MMS22L: variants seen among roughly 807,000 people sequenced by gnomAD.
MMS22L encodes protein MMS22-like.
MMS22L carries 74 observed loss-of-function variants against 159.1 expected under a neutral mutation model. The ratio of observed to expected loss-of-function variants is 0.47; its 90% confidence interval spans 0.39 to 0.56. MMS22L has a LOEUF of 0.56. Among genes scored for constraint, MMS22L ranks in the 20% least tolerant of loss-of-function variants. MMS22L has a pLI of 0.00. For synonymous variants in MMS22L, 517 were observed against 506.9 expected (o/e 1.02, Z -0.27); for missense variants, 1,351 against 1,422.1 (o/e 0.95, Z 0.80).
Position 97,144,105 on chromosome 6 carries a change from C to CAAAAAAAAAAAAAAAAAAAAAAAAAA in MMS22L, c.*2700_*2701insTTTTTTTTTTTTTTTTTTTTTTTTTT, listed in dbSNP as rs34856577. On this transcript the variant is annotated 3_prime_UTR_variant, in exon 25 of 25. Coordinates refer to ENST00000683635, the MANE Select transcript of MMS22L (RefSeq NM_001350599.2). ...CTCAAAACAACAACAACAACAACAA[C>CAAAAAAAAAAAAAAAAAAAAAAAAAA]AAAAAAAAAAAAAAAAAAAAAAAGA... is the stretch of plus-strand genomic sequence containing the variant. 3.4e-5 allele frequency: 3 copies of CAAAAAAAAAAAAAAAAAAAAAAAAAA among 87,352 alleles called. No individual in the cohort carries two copies. The highest frequency in any genetic ancestry group is 6.5e-5 in the Non-Finnish European group (3 of 45,980). The allele number at this position is 87,352 out of a possible 1,614,324, so 5.4% of individuals were successfully genotyped here. A position where few individuals can be genotyped will look rare whatever the true frequency, so the allele number is the denominator to read the frequency against.
chr6:97,262,832 A>G (rs1814644342), intron 9 of MMS22L, among the ~76,000 whole-genome samples: 1 of 152,160 alleles, frequency 6.6e-6, no homozygotes, highest in Non-Finnish European at 1.5e-5. Flanking sequence ...CTCTTTTTCA[A>G]TAACCTACAG....
At position 97,229,271 on chromosome 6, in the gene MMS22L, G is replaced by A. The variant is rs770673058; in HGVS notation, c.1662C>T (p.Leu554=). The change falls in exon 14 of 25, where the codon CTC becomes CTT. Residue 554 remains leucine, a synonymous_variant. Transcript: ENST00000683635. ...CAAAAGCAGGCTTGAGGAAATTCAG[G>A]AGGTCTAAAACATGACTTGCAACAT... ...VEDVASHVLD[L]LNFLKPAFVT... The A allele has an allele frequency of 2.5e-6, 4 of 1,614,022 alleles. No individual in the cohort carries two copies. The highest frequency in any genetic ancestry group is 1.7e-5 in the Admixed American group (1 of 60,004).
At chr6:97,175,612 T>C (rs1432858707) in intron 18 of MMS22L, among the ~76,000 whole-genome samples, 2 of 152,190 alleles carry the variant, frequency 1.3e-5, no homozygotes, top group Non-Finnish European at 2.9e-5. Context: ...TGGAAAATTG[T>C]GGTTCACTGA....
intron 14 of MMS22L, among the ~76,000 whole-genome samples, chr6:97,205,093 G>A (rs1027832152): frequency 1.3e-4 from 19 of 151,356 alleles, no homozygotes; most frequent in Non-Finnish European, 2.1e-4. Flanking sequence ...ACAGGTGTGC[G>A]CCACCATGCC....
At chr6:97,269,873 G>T in intron 7 of MMS22L, 29 bp downstream of exon 7, 2 of 1,507,886 alleles carry the variant, frequency 1.3e-6, no homozygotes, top group Non-Finnish European at 1.8e-6. Context: ...ATTTTAAAAA[G>T]AATATAAATC....
In MMS22L at chr6:97,173,239, A is replaced by C; in HGVS notation, c.2680-17T>G. On this transcript the variant is annotated splice_polypyrimidine_tract_variant and intron_variant, in intron 18 of 24. Coordinates refer to ENST00000683635, the MANE Select transcript of MMS22L (RefSeq NM_001350599.2). Reference sequence around the variant, plus strand: ...ACCAACAGCCTATAAATAAAGAAAAACATTATTTAACTTCCCAAAGTTTAT... The same window carrying C: ...ACCAACAGCCTATAAATAAAGAAAACCATTATTTAACTTCCCAAAGTTTAT... The C allele has an allele frequency of 6.3e-7, 1 of 1,598,228 alleles. No homozygotes were observed. Among genetic ancestry groups the C allele is most frequent in the Non-Finnish European group, 8.5e-7 (1 of 1,175,170 alleles).
intron 14 of MMS22L, among the ~76,000 whole-genome samples, chr6:97,208,647 A>T (rs1808043455): frequency 6.6e-6 from 1 of 152,022 alleles, no homozygotes; most frequent in African/African-American, 2.4e-5. Context: ...AAGCAGACGG[A>T]TTAAGGGAAA....
At position 97,263,462 on chromosome 6, in the gene MMS22L, C is replaced by T. The variant is rs1814717958; in HGVS notation, c.829-14G>A. The T allele has an allele frequency of 1.5e-6, 2 of 1,375,286 alleles. No individual in the cohort carries two copies. Among genetic ancestry groups the T allele is most frequent in the African/African-American group, 1.5e-5 (1 of 66,554 alleles). The allele number at this position is 1,375,286 out of a possible 1,614,324, so 85.2% of individuals were successfully genotyped here. Reference sequence around the variant, plus strand: ...AGAAGACCTAACCTATAGAAAATAACCAAAATGTGTTATTTATAAGACAGC... The same window carrying T: ...AGAAGACCTAACCTATAGAAAATAATCAAAATGTGTTATTTATAAGACAGC... On this transcript the variant is annotated splice_polypyrimidine_tract_variant and intron_variant, in intron 8 of 24. Coordinates refer to ENST00000683635, the MANE Select transcript of MMS22L (RefSeq NM_001350599.2).
intron 24 of MMS22L, among the ~76,000 whole-genome samples, chr6:97,148,471 G>A (rs1206164): frequency 0.8 from 122,175 of 152,010 alleles, 50,032 homozygotes; most frequent in East Asian, 1. Flanking sequence ...TTCCAGTGAA[G>A]TAAGATGTAG....
At chr6:97,270,782 T>C (rs1582859629) in intron 6 of MMS22L, 1 of 152,264 alleles carries the variant, frequency 6.6e-6, no homozygotes, top group Non-Finnish European at 1.5e-5. Flanking sequence ...ATGTGGCATC[T>C]GAAATCGATG....
intron 22 of MMS22L, among the ~76,000 whole-genome samples, chr6:97,154,992 T>C (rs953625190): frequency 1.1e-4 from 16 of 152,312 alleles, no homozygotes; most frequent in African/African-American, 3.6e-4. Context: ...ATTAGTATAG[T>C]CACTTAAGCT....
At position 97,142,335 on chromosome 6, in the gene MMS22L, A is replaced by G. The variant is rs1432930060; in HGVS notation, c.*4471T>C. The G allele has an allele frequency of 6.6e-6, 1 of 152,488 alleles. No homozygotes were observed. The highest frequency in any genetic ancestry group is 6.5e-5 in the Admixed American group (1 of 15,274). 9.4% of individuals were successfully genotyped at this position (152,488 alleles called of 1,614,324 possible). ...AATTTTAATAAGTATAAACTGGTCAATTCCAACCATTTGGTAATTTACAAT... is the reference window on the plus strand; with the variant it reads ...AATTTTAATAAGTATAAACTGGTCAGTTCCAACCATTTGGTAATTTACAAT... On this transcript the variant is annotated 3_prime_UTR_variant, in exon 25 of 25. Coordinates refer to ENST00000683635, the MANE Select transcript of MMS22L (RefSeq NM_001350599.2).
chr6:97,165,496 T>C (rs1802875789), intron 20 of MMS22L, 39 bp from the exon 21 acceptor site: 1 of 1,533,330 alleles, frequency 6.5e-7, no homozygotes, highest in Non-Finnish European at 8.9e-7. Context: ...AGAGGTAAAG[T>C]TTCAAAGAAC....
At chr6:97,218,325 A>G (rs1215442611) in intron 14 of MMS22L, among the ~76,000 whole-genome samples, 1 of 152,198 alleles carries the variant, frequency 6.6e-6, no homozygotes, top group East Asian at 1.9e-4. Flanking sequence ...GTCTGCTTGC[A>G]TATGGACACT....
At chr6:97,253,190 C>T (rs183446764) in intron 10 of MMS22L, among the ~76,000 whole-genome samples, 29 of 152,128 alleles carry the variant, frequency 1.9e-4, no homozygotes, top group Non-Finnish European at 3.2e-4. Flanking sequence ...TTTATTATTA[C>T]GGGGATTATT....
chr6:97,278,343 C>T (rs1816441939), intron 4 of MMS22L, among the ~76,000 whole-genome samples: 1 of 149,598 alleles, frequency 6.7e-6, no homozygotes, highest in Admixed American at 6.7e-5. Context: ...GCAGAGGTTA[C>T]AGTGAGCTGA....
chr6:97,279,006 T>C, intron 3 of MMS22L, 108 bp from the exon 4 acceptor site: 1 of 784,802 alleles, frequency 1.3e-6, no homozygotes, highest in Admixed American at 2.7e-5. Context: ...CTCTTTAATT[T>C]GGGGATGATG....
At chr6:97,206,323 G>GA (rs1225854040) in intron 14 of MMS22L, among the ~76,000 whole-genome samples, 207 of 121,268 alleles carry the variant, frequency 1.7e-3, no homozygotes, top group African/African-American at 4.2e-3. Flanking sequence ...ATTTAACAAG[G>GA]AAAAAAAAAA....
chr6:97,188,522 G>A (rs1053737705), intron 14 of MMS22L, among the ~76,000 whole-genome samples: 1 of 152,148 alleles, frequency 6.6e-6, no homozygotes, highest in African/African-American at 2.4e-5. Flanking sequence ...AGCTAAATAT[G>A]CCCAAAGGTC....
Sources: allele counts gnomAD v4.1 joint callset (sites outside exome capture counted in the v4.1 genomes callset), GRCh38; gene constraint gnomAD v4.1.1; transcripts MANE v1.5; gene names NCBI Gene and HGNC (gene_info 2026-07-23, HGNC 2026-07-21).